Variants in SHTN1 observed in about 807,000 individuals in gnomAD.
SHTN1 encodes shootin 1, also known as shootin-1.
In SHTN1, 42 loss-of-function variants were observed where a neutral mutation model predicts 83.1. The observed-to-expected ratio is 0.51, with a 90% CI of 0.39 to 0.65. The LOEUF is 0.65. SHTN1 is among the 30% of genes least tolerant of loss of function. The pLI, the probability that SHTN1 is intolerant of heterozygous loss-of-function variation, is 0.00. For missense variants in SHTN1, 622 were observed against 737.8 expected (o/e 0.84, Z 1.82); for synonymous variants, 224 against 247.7 (o/e 0.90, Z 0.90).
At chr10:117,052,465 G>C (rs34187883) in intron 1 of SHTN1, among the ~76,000 whole-genome samples, 10 of 151,888 alleles carry the variant, frequency 6.6e-5, no homozygotes, top group Non-Finnish European at 1.3e-4. Context: ...ACCCCAGATA[G>C]CCAAAACAAT....
intron 1 of SHTN1, among the ~76,000 whole-genome samples, chr10:116,994,140 G>T (rs1851544738): frequency 6.6e-6 from 1 of 152,088 alleles, no homozygotes; most frequent in Non-Finnish European, 1.5e-5. Flanking sequence ...TGTATGCAAA[G>T]TTTACAAGTA....
At chr10:117,010,577 T>C (rs1026262256), upstream of SHTN1, among the ~76,000 whole-genome samples, 18 of 152,180 alleles carry the variant, frequency 1.2e-4, no homozygotes, top group African/African-American at 4.3e-4. Context: ...TAACTCATTC[T>C]ATGAGGCCAG....
chr10:116,987,907 G>A (rs577360560), intron 1 of SHTN1, among the ~76,000 whole-genome samples: 12 of 148,836 alleles, frequency 8.1e-5, no homozygotes, highest in East Asian at 6.0e-4. Context: ...GCGAGACTCC[G>A]TCTCAAAAAA....
intron 1 of SHTN1, among the ~76,000 whole-genome samples, chr10:117,112,110 C>A (rs957168872): frequency 2.0e-5 from 3 of 152,062 alleles, no homozygotes; most frequent in African/African-American, 7.2e-5. Context: ...GAATTACAGG[C>A]ACACGCCACC....
At position 116,886,481 on chromosome 10, in the gene SHTN1, T is replaced by C; in HGVS notation, c.1759A>G (p.Thr587Ala). ...EPVVVLDPVS[T>A]HEPQTKDQVA... is the part of the protein sequence containing the mutation. ...TGGTCTTTGGTTTGGGGTTCATGTGTAGAAACAGGATCTAAAACTACAACT... is the reference window on the plus strand; with the variant it reads ...TGGTCTTTGGTTTGGGGTTCATGTGCAGAAACAGGATCTAAAACTACAACT... Residue 587 changes from threonine to alanine, a missense_variant, in exon 17 of 17, where the codon ACA (threonine) becomes GCA (alanine). Transcript: ENST00000355371. 1.2e-6 allele frequency: 2 copies of C among 1,614,142 alleles called. No individual in the cohort carries two copies. Among genetic ancestry groups the C allele is most frequent in the Non-Finnish European group, 8.5e-7 (1 of 1,180,020 alleles).
At position 116,882,583 on chromosome 10, in the gene SHTN1, T is replaced by G. The variant is rs1564856280; in HGVS notation, c.*3761A>C. On this transcript the variant is annotated 3_prime_UTR_variant, in exon 17 of 17. Transcript: ENST00000355371. Reference sequence around the variant, plus strand: ...CGTTAAAATGGTTACCATTTGCTTCTCCTAAAAATTATATAAATTGCTATG... The same window carrying G: ...CGTTAAAATGGTTACCATTTGCTTCGCCTAAAAATTATATAAATTGCTATG... 6.6e-6 allele frequency: 1 copy of G among 152,186 alleles called. No individual in the cohort carries two copies. The highest frequency in any genetic ancestry group is 2.4e-5 in the African/African-American group (1 of 41,446). The allele number at this position is 152,186 out of a possible 1,614,324, so 9.4% of individuals were successfully genotyped here. A position where few individuals can be genotyped will look rare whatever the true frequency, so the allele number is the denominator to read the frequency against.
chr10:117,045,609 C>T (rs977806688), intron 2 of SHTN1, among the ~76,000 whole-genome samples: 1 of 152,192 alleles, frequency 6.6e-6, no homozygotes, highest in Non-Finnish European at 1.5e-5. Context: ...ACACATACAA[C>T]TATGGCAAAC....
At chr10:116,940,005 A>T (rs533401979) in intron 9 of SHTN1, among the ~76,000 whole-genome samples, 2 of 152,232 alleles carry the variant, frequency 1.3e-5, no homozygotes, top group Non-Finnish European at 2.9e-5. Flanking sequence ...GTGCAAGTTT[A>T]CAAAATCAAA....
At chr10:117,039,850 CAAAAA>C (rs71013633) in intron 2 of SHTN1, among the ~76,000 whole-genome samples, 1 of 129,700 alleles carries the variant, frequency 7.7e-6, no homozygotes, top group Non-Finnish European at 1.6e-5. Context: ...GAGACTCCAT[CAAAAA>C]AAAAAAAAAA....
chr10:116,917,774 T>G (rs1048147937), intron 12 of SHTN1, among the ~76,000 whole-genome samples: 1 of 152,232 alleles, frequency 6.6e-6, no homozygotes, highest in Non-Finnish European at 1.5e-5. Context: ...ATAGTGATAA[T>G]TCAGAGACGT....
chr10:116,979,374 A>T, intron 1 of SHTN1, 66 bp from the exon 2 acceptor site: 1 of 1,277,550 alleles, frequency 7.8e-7, no homozygotes, highest in Non-Finnish European at 1.1e-6. Flanking sequence ...AACCTGGGGA[A>T]TCCAACTAAC....
chr10:116,903,493 C>G (rs1847831979), intron 15 of SHTN1, among the ~76,000 whole-genome samples: 1 of 152,098 alleles, frequency 6.6e-6, no homozygotes, highest in African/African-American at 2.4e-5. Context: ...CCACTGCACT[C>G]CAGCCTGGGC....
At chr10:116,905,564 A>G (rs1028018494) in intron 15 of SHTN1, among the ~76,000 whole-genome samples, 2 of 152,212 alleles carry the variant, frequency 1.3e-5, no homozygotes, top group African/African-American at 4.8e-5. Flanking sequence ...CTTTGGGTTC[A>G]AGGAATCAAT....
chr10:116,915,605 G>C (rs1469281893), intron 12 of SHTN1, 121 bp from the exon 13 acceptor site: 1 of 621,374 alleles, frequency 1.6e-6, no homozygotes, highest in African/African-American at 1.9e-5. Flanking sequence ...ATTCACAGTT[G>C]CAGAACACTA....
At chr10:117,101,279 G>A (rs1390883247) in intron 1 of SHTN1, among the ~76,000 whole-genome samples, 2 of 152,156 alleles carry the variant, frequency 1.3e-5, no homozygotes, top group Non-Finnish European at 2.9e-5. Context: ...CAGCTCATCT[G>A]TATGTGGAGT....
chr10:116,905,129 G>A (rs1847915340), intron 15 of SHTN1, among the ~76,000 whole-genome samples: 1 of 150,044 alleles, frequency 6.7e-6, no homozygotes, highest in African/African-American at 2.5e-5. Flanking sequence ...TTGAACCCGG[G>A]AAGCGGAGCT....
At chr10:116,887,017 C>A (rs1847186320) in intron 16 of SHTN1, among the ~76,000 whole-genome samples, 1 of 151,910 alleles carries the variant, frequency 6.6e-6, no homozygotes, top group African/African-American at 2.4e-5. Flanking sequence ...CCTGCAGGGA[C>A]AAGGGGAGTA....
intron 16 of SHTN1, among the ~76,000 whole-genome samples, chr10:116,891,629 T>A (rs1847345096): frequency 6.6e-6 from 1 of 152,210 alleles, no homozygotes; most frequent in East Asian, 1.9e-4. Context: ...TCCAAGCCCT[T>A]TATACAGTTA....
At chr10:116,908,559 T>C (rs1848065087) in intron 14 of SHTN1, among the ~76,000 whole-genome samples, 2 of 152,178 alleles carry the variant, frequency 1.3e-5, no homozygotes, top group Admixed American at 1.3e-4. Context: ...AAACAGATAT[T>C]TGAAAAACAC....
Sources: gnomAD v4.1 joint callset for allele counts (sites outside exome capture counted in the v4.1 genomes callset) on GRCh38, gnomAD v4.1.1 for gene constraint, MANE v1.5 for transcripts, NCBI Gene and HGNC (gene_info 2026-07-23, HGNC 2026-07-21) for gene names.